Variants in ARHGAP42 observed in about 807,000 individuals in gnomAD.
ARHGAP42 encodes rho GTPase-activating protein 42.
Under a neutral mutation model 125.0 loss-of-function variants are expected in ARHGAP42, and 63 were observed. The ratio of observed to expected loss-of-function variants is 0.50; its 90% CI spans 0.41 to 0.62. The LOEUF is 0.62. ARHGAP42 is among the 20% of genes least tolerant of loss of function. ARHGAP42 has a pLI of 0.00. For missense variants in ARHGAP42, 766 were observed against 1,024.2 expected, an observed-to-expected ratio of 0.75 and a Z score of 3.44; for synonymous variants, 339 against 351.0, an observed-to-expected ratio of 0.97 and a Z score of 0.38.
intron 1 of ARHGAP42, among the ~76,000 whole-genome samples, chr11:100,727,781 G>C (rs781180267): frequency 6.6e-6 from 1 of 152,110 alleles, no homozygotes; most frequent in African/African-American, 2.4e-5. Flanking sequence ...GTAATAAATC[G>C]ACAGTAGTAC....
chr11:100,916,952 C>T (rs1867081508), intron 5 of ARHGAP42, among the ~76,000 whole-genome samples: 1 of 151,398 alleles, frequency 6.6e-6, no homozygotes, highest in Non-Finnish European at 1.5e-5. Context: ...TACAAATAAG[C>T]AGGAAAAAAG....
intron 3 of ARHGAP42, among the ~76,000 whole-genome samples, chr11:100,851,922 C>T (rs1186511143): frequency 1.3e-5 from 2 of 152,128 alleles, no homozygotes; most frequent in Non-Finnish European, 1.5e-5. Context: ...GTAAATCCTC[C>T]CACCTTGGCT....
intron 3 of ARHGAP42, among the ~76,000 whole-genome samples, chr11:100,832,436 A>G (rs1421886720): frequency 4.6e-5 from 7 of 152,200 alleles, no homozygotes; most frequent in Admixed American, 4.6e-4. Flanking sequence ...AAACTGATGT[A>G]TTTGTTTTAT....
intron 4 of ARHGAP42, among the ~76,000 whole-genome samples, chr11:100,906,379 G>T (rs1866737617): frequency 6.6e-6 from 1 of 152,064 alleles, no homozygotes; most frequent in African/African-American, 2.4e-5. Flanking sequence ...ATGGATTTTG[G>T]TTTATTGCTT....
chr11:100,824,645 G>A (rs1389337573), intron 3 of ARHGAP42, among the ~76,000 whole-genome samples: 5 of 152,048 alleles, frequency 3.3e-5, no homozygotes, highest in African/African-American at 9.7e-5. Flanking sequence ...GGGCTCTAGC[G>A]GAGACTCTTC....
At chr11:100,864,187 ATT>A (rs77883167) in intron 4 of ARHGAP42, among the ~76,000 whole-genome samples, 4 of 141,140 alleles carry the variant, frequency 2.8e-5, no homozygotes, top group Non-Finnish European at 3.1e-5. Context: ...ATGTCTGAGG[ATT>A]TTTTTTTTTT....
At chr11:100,781,497 A>G (rs1487932211) in intron 2 of ARHGAP42, among the ~76,000 whole-genome samples, 3 of 152,142 alleles carry the variant, frequency 2.0e-5, no homozygotes, top group Non-Finnish European at 4.4e-5. Flanking sequence ...TAGGTTGTCA[A>G]CTTTGACTTT....
intron 11 of ARHGAP42, among the ~76,000 whole-genome samples, chr11:100,949,276 A>C (rs1244086303): frequency 6.6e-6 from 1 of 152,144 alleles, no homozygotes; most frequent in Non-Finnish European, 1.5e-5. Flanking sequence ...TTACCAGTCC[A>C]CAGTAAGATC....
intron 1 of ARHGAP42, among the ~76,000 whole-genome samples, chr11:100,746,232 T>TTCAGGTCTCC (rs1862300105): frequency 6.6e-6 from 1 of 152,250 alleles, no homozygotes; most frequent in Non-Finnish European, 1.5e-5. Context: ...CAAGGAACGC[T>TTCAGGTCTCC]AAGTTTCCTT....
chr11:100,780,257 A>T (rs1208074747), intron 2 of ARHGAP42, among the ~76,000 whole-genome samples: 1 of 152,170 alleles, frequency 6.6e-6, no homozygotes, highest in African/African-American at 2.4e-5. Flanking sequence ...GACTTTAAAA[A>T]AGGCTTATTT....
At chr11:100,779,986 A>G (rs1394746196) in intron 2 of ARHGAP42, among the ~76,000 whole-genome samples, 1 of 151,880 alleles carries the variant, frequency 6.6e-6, no homozygotes, top group South Asian at 2.1e-4. Flanking sequence ...AGATTGCGCC[A>G]CTGCACTCTA....
chr11:100,752,351 G>T (rs1021780567), intron 1 of ARHGAP42, among the ~76,000 whole-genome samples: 2 of 152,160 alleles, frequency 1.3e-5, no homozygotes, highest in Admixed American at 1.3e-4. Flanking sequence ...GCCTGTTGGG[G>T]TATTGTTGCA....
At chr11:100,690,269 T>C (rs756484953) in intron 1 of ARHGAP42, among the ~76,000 whole-genome samples, 1 of 152,226 alleles carries the variant, frequency 6.6e-6, no homozygotes, top group Non-Finnish European at 1.5e-5. Flanking sequence ...ACTGTTATTT[T>C]TATTAATAAT....
chr11:100,774,297 G>A (rs1863057261), intron 2 of ARHGAP42, among the ~76,000 whole-genome samples: 1 of 152,166 alleles, frequency 6.6e-6, no homozygotes, highest in African/African-American at 2.4e-5. Context: ...GATCACGCTT[G>A]TCCACCTTCA....
chr11:100,852,297 G>A (rs1056891096), intron 3 of ARHGAP42, among the ~76,000 whole-genome samples: 3 of 151,976 alleles, frequency 2.0e-5, no homozygotes, highest in Non-Finnish European at 4.4e-5. Context: ...TTATATTAAC[G>A]TTCAGCTACT....
rs1783690 is a variant in ARHGAP42 at position 100,696,272 on chromosome 11, A to T, written c.154+8440A>T. ...CTGGTAACACTTTGTAGATTATTTT[A>T]TGTAAAATCAATTATGACAGATTTT... On this transcript the variant is annotated intron_variant, in intron 1 of 23. Coordinates refer to ENST00000298815, the MANE Select transcript of ARHGAP42 (RefSeq NM_152432.4). Among the ~76,000 whole-genome samples, 1,072 of 152,324 alleles carry T rather than the reference A, an allele frequency of 7.0e-3. 6 individuals are homozygous for T. The highest frequency in any genetic ancestry group is 0.011 in the Non-Finnish European group (769 of 68,018).
intron 7 of ARHGAP42, among the ~76,000 whole-genome samples, chr11:100,934,017 C>A (rs1171975947): frequency 6.6e-6 from 1 of 152,128 alleles, no homozygotes; most frequent in Non-Finnish European, 1.5e-5. Flanking sequence ...GAACTCCCGA[C>A]CTCAGGTGAT....
intron 4 of ARHGAP42, among the ~76,000 whole-genome samples, chr11:100,879,783 G>GT (rs1489101751): frequency 7.2e-5 from 11 of 152,068 alleles, no homozygotes; most frequent in African/African-American, 2.7e-4. Context: ...GTCTCTTGTA[G>GT]TTTTCCTCTT....
chr11:100,975,654 T>C (rs76371737), intron 19 of ARHGAP42, among the ~76,000 whole-genome samples: 5,908 of 152,274 alleles, frequency 0.039, 166 homozygotes, highest in East Asian at 0.11. Flanking sequence ...AGCAGAAATA[T>C]GTTTTTACTA....
Sources: allele counts gnomAD v4.1 joint callset (sites outside exome capture counted in the v4.1 genomes callset), GRCh38; gene constraint gnomAD v4.1.1; transcripts MANE v1.5; gene names NCBI Gene and HGNC (gene_info 2026-07-23, HGNC 2026-07-21).